The following MYL1 variants were observed in gnomAD, a reference collection of about 807,000 sequenced individuals.
MYL1 encodes myosin light chain 1/3, skeletal muscle isoform.
MYL1 carries 16 observed loss-of-function variants against 21.8 expected under a neutral mutation model. That is an observed-to-expected ratio of 0.74 (90% CI 0.50 to 1.12). The LOEUF is 1.12. MYL1 is among the 50% of genes most tolerant of loss of function. MYL1 has a pLI of 0.00. For synonymous variants in MYL1, 99 were observed against 85.2 expected (o/e 1.16, Z -0.89); for missense variants, 246 against 241.0 (o/e 1.02, Z -0.14).
chr2:210,310,572 A>T (rs1478671735), intron 1 of MYL1, among the ~76,000 whole-genome samples: 1 of 152,130 alleles, frequency 6.6e-6, no homozygotes, highest in African/African-American at 2.4e-5. Context: ...TTTTCCATTT[A>T]CAACATCTTA....
At chr2:210,313,943 AT>A (rs1690453234) in intron 1 of MYL1, among the ~76,000 whole-genome samples, 1 of 152,070 alleles carries the variant, frequency 6.6e-6, no homozygotes, top group African/African-American at 2.4e-5. Flanking sequence ...ACTATTGCTC[AT>A]TGATTTTCCA....
At chr2:210,295,669 A>G (rs1690162320) in intron 3 of MYL1, among the ~76,000 whole-genome samples, 1 of 151,318 alleles carries the variant, frequency 6.6e-6, no homozygotes, top group Non-Finnish European at 1.5e-5. Flanking sequence ...AAAAAAATTA[A>G]AATTAGGTTT....
intron 3 of MYL1, among the ~76,000 whole-genome samples, chr2:210,296,616 C>G (rs1416104788): frequency 6.6e-6 from 1 of 152,094 alleles, no homozygotes; most frequent in African/African-American, 2.4e-5. Flanking sequence ...AAGGTCCTAT[C>G]TCTACAAAAC....
At position 210,299,308 on chromosome 2, in the gene MYL1, A is replaced by G. The variant is rs181242680; in HGVS notation, c.161-745T>C. ...ATGCCTTGTAATTACAATTTTATGGAGAAAATTGTAGATTCACATGCAGTT... is the reference window on the plus strand; with the variant it reads ...ATGCCTTGTAATTACAATTTTATGGGGAAAATTGTAGATTCACATGCAGTT... On this transcript the variant is annotated intron_variant, in intron 2 of 6. Coordinates refer to ENST00000352451, the MANE Select transcript of MYL1 (RefSeq NM_079420.3). 3.4e-3 allele frequency among the ~76,000 whole-genome samples: 523 copies of G among 152,282 alleles called. 1 individual carries two copies. The highest frequency in any genetic ancestry group is 0.011 in the African/African-American group (462 of 41,564).
At chr2:210,293,678 G>C in intron 5 of MYL1, 45 bp downstream of exon 5, 1 of 1,525,994 alleles carries the variant, frequency 6.6e-7, no homozygotes, top group Non-Finnish European at 9.1e-7. Context: ...TCATCAATCT[G>C]ATCAGTTAAG....
At chr2:210,301,530 T>TATAGAC (rs1286715937) in intron 2 of MYL1, among the ~76,000 whole-genome samples, 2 of 152,066 alleles carry the variant, frequency 1.3e-5, no homozygotes, top group African/African-American at 2.4e-5. Context: ...ATATATGTAA[T>TATAGAC]ATAGACATAC....
At chr2:210,292,877 G>A (rs2125738346) in intron 5 of MYL1, among the ~76,000 whole-genome samples, 1 of 152,250 alleles carries the variant, frequency 6.6e-6, no homozygotes, top group South Asian at 2.1e-4. Flanking sequence ...TCTATGGAGT[G>A]TATTTACGGT....
At chr2:210,298,603 TC>T in intron 2 of MYL1, 40 bp from the exon 3 acceptor site, 1 of 1,610,546 alleles carries the variant, frequency 6.2e-7, no homozygotes, top group Non-Finnish European at 8.5e-7. Context: ...CTTTTCTTCC[TC>T]TAACCTATTA....
At chr2:210,312,887 T>C (rs2125745360) in intron 1 of MYL1, among the ~76,000 whole-genome samples, 1 of 152,054 alleles carries the variant, frequency 6.6e-6, no homozygotes, top group South Asian at 2.1e-4. Flanking sequence ...TTTGCTTAGT[T>C]GTATAAGCTT....
chr2:210,300,873 T>A (rs1057267101), intron 2 of MYL1, among the ~76,000 whole-genome samples: 2 of 152,074 alleles, frequency 1.3e-5, no homozygotes, highest in Non-Finnish European at 2.9e-5. Context: ...CTTTAACCAC[T>A]AAACAAGGAA....
chr2:210,293,618 T>C (rs1012988749), intron 5 of MYL1, 105 bp downstream of exon 5: 23 of 840,014 alleles, frequency 2.7e-5, no homozygotes, highest in African/African-American at 2.0e-4. Context: ...TTGATTGTCA[T>C]ATGTATGTCA....
intron 5 of MYL1, among the ~76,000 whole-genome samples, chr2:210,292,746 G>C (rs1004974411): frequency 6.6e-6 from 1 of 152,076 alleles, no homozygotes. Flanking sequence ...TGCTCTTTAT[G>C]TTTTTAGCTT....
intron 3 of MYL1, among the ~76,000 whole-genome samples, chr2:210,295,868 G>A (rs576971497): frequency 6.6e-6 from 1 of 151,520 alleles, no homozygotes; most frequent in South Asian, 2.1e-4. Context: ...ATAAAAATAG[G>A]GTTTGCCCTA....
At chr2:210,303,301 A>G (rs1406893320) in intron 1 of MYL1, among the ~76,000 whole-genome samples, 2 of 152,192 alleles carry the variant, frequency 1.3e-5, no homozygotes, top group Admixed American at 6.5e-5. Context: ...GTGATACAGC[A>G]AGAGTTGGTG....
Sources: allele counts gnomAD v4.1 joint callset (sites outside exome capture counted in the v4.1 genomes callset), GRCh38; gene constraint gnomAD v4.1.1; transcripts MANE v1.5; gene names NCBI Gene and HGNC (gene_info 2026-07-23, HGNC 2026-07-21).